The following PDE4D variants were observed in gnomAD, a reference collection of about 807,000 sequenced individuals.
PDE4D encodes the protein phosphodiesterase 4D.
In PDE4D, 24 loss-of-function variants were observed where a neutral mutation model predicts 87.4. The ratio of observed to expected loss-of-function variants is 0.27; its 90% CI spans 0.20 to 0.39. The LOEUF (loss-of-function observed/expected upper bound fraction) is 0.39. PDE4D is among the 10% of genes least tolerant of loss of function. The probability of loss-of-function intolerance (pLI) is 1.00; values close to 1 mark genes in which losing one functional copy is unlikely to be tolerated. For synonymous variants in PDE4D, 384 were observed against 383.2 expected, an observed-to-expected ratio of 1.00 and a Z score of -0.02; for missense variants, 714 against 1,041.0, an observed-to-expected ratio of 0.69 and a Z score of 4.32.
At chr5:60,458,563 T>G (rs1746669704) in intron 1 of PDE4D, among the ~76,000 whole-genome samples, 1 of 152,100 alleles carries the variant, frequency 6.6e-6, no homozygotes, top group African/African-American at 2.4e-5. Flanking sequence ...CGCTAAGAAA[T>G]TCTCCCTTGG....
At chr5:60,432,471 G>A (rs965043395) in intron 1 of PDE4D, among the ~76,000 whole-genome samples, 2 of 152,080 alleles carry the variant, frequency 1.3e-5, no homozygotes, top group Non-Finnish European at 2.9e-5. Flanking sequence ...TTTCTTCCTG[G>A]TTCAGTCTCG....
intron 1 of PDE4D, among the ~76,000 whole-genome samples, chr5:59,618,902 A>G (rs186170781): frequency 6.6e-6 from 1 of 152,128 alleles, no homozygotes; most frequent in African/African-American, 2.4e-5. Flanking sequence ...ATATGATGTC[A>G]CAACAAGAAA....
chr5:59,529,220 GA>G, intron 1 of PDE4D: 1 of 487,592 alleles, frequency 2.1e-6, no homozygotes, highest in Non-Finnish European at 4.1e-6. Flanking sequence ...ATCCAGGAAG[GA>G]AAATTGGATG....
intron 1 of PDE4D, among the ~76,000 whole-genome samples, chr5:60,308,938 G>A (rs1313683158): frequency 9.9e-5 from 15 of 151,938 alleles, no homozygotes; most frequent in Middle Eastern, 6.8e-3. Context: ...ACTCTTCTCC[G>A]AAAAATATAA....
chr5:59,810,074 C>T (rs956492472), intron 1 of PDE4D, among the ~76,000 whole-genome samples: 3 of 152,084 alleles, frequency 2.0e-5, no homozygotes, highest in African/African-American at 7.2e-5. Context: ...ATTCCATTGC[C>T]TGGTTAAGTC....
intron 1 of PDE4D, among the ~76,000 whole-genome samples, chr5:59,789,679 A>C (rs915467642): frequency 6.6e-6 from 1 of 152,196 alleles, no homozygotes; most frequent in Non-Finnish European, 1.5e-5. Context: ...TCTAAGATAA[A>C]ATAGAAATCC....
chr5:59,266,041 T>C (rs1255323021), intron 1 of PDE4D, among the ~76,000 whole-genome samples: 1 of 152,050 alleles, frequency 6.6e-6, no homozygotes, highest in Non-Finnish European at 1.5e-5. Context: ...TTTCACACAT[T>C]TGCCTGACAG....
Position 59,668,775 on chromosome 5 carries a change from AAAG to A in PDE4D, c.455+224390_455+224392del, listed in dbSNP as rs1166863700. On this transcript the variant is annotated intron_variant, in intron 1 of 14. Transcript: ENST00000340635. ...AGAAGAAAGAAGAAAGAAGAAGAAG[AAAG>A]AAGAAGAAGAAGAAAGAAGAAGAAG... 2.0e-3 allele frequency among the ~76,000 whole-genome samples: 276 copies of A among 137,120 alleles called. 14 individuals carry two copies. The highest frequency in any genetic ancestry group is 6.8e-3 in the Middle Eastern group (2 of 292). 90.0% of individuals were successfully genotyped at this position (137,120 alleles called of 152,430 possible).
chr5:59,980,679 G>T (rs929790744), intron 3 of PDE4D, among the ~76,000 whole-genome samples: 5 of 152,078 alleles, frequency 3.3e-5, no homozygotes, highest in Non-Finnish European at 7.4e-5. Flanking sequence ...TCCTTAATGG[G>T]GACACCAGAA....
intron 1 of PDE4D, among the ~76,000 whole-genome samples, chr5:59,242,507 G>A (rs1324062447): frequency 6.6e-6 from 1 of 152,138 alleles, no homozygotes; most frequent in East Asian, 1.9e-4. Flanking sequence ...AAATATTTAA[G>A]TAAATGAAAT....
At chr5:60,019,050 G>T (rs1765788712) in intron 2 of PDE4D, among the ~76,000 whole-genome samples, 2 of 152,044 alleles carry the variant, frequency 1.3e-5, no homozygotes, top group Admixed American at 1.3e-4. Flanking sequence ...GGTGCCACAA[G>T]ACAACTTACT....
At chr5:60,311,821 C>T (rs554047177) in intron 1 of PDE4D, among the ~76,000 whole-genome samples, 23 of 152,272 alleles carry the variant, frequency 1.5e-4, no homozygotes, top group African/African-American at 5.3e-4. Context: ...TCAAGAGACC[C>T]ATCTCACATG....
At chr5:59,217,131 A>G in intron 1 of PDE4D, 1 of 448,110 alleles carries the variant, frequency 2.2e-6, no homozygotes, top group South Asian at 1.6e-5. Context: ...ATCTAGATAA[A>G]CTTTCCACAA....
chr5:60,145,803 T>C (rs1780937466), intron 2 of PDE4D, among the ~76,000 whole-genome samples: 1 of 152,216 alleles, frequency 6.6e-6, no homozygotes, highest in Non-Finnish European at 1.5e-5. Flanking sequence ...TGATGGAATT[T>C]TTGGCTGAAA....
At chr5:59,608,310 C>CA (rs1828501842) in intron 1 of PDE4D, among the ~76,000 whole-genome samples, 1 of 152,140 alleles carries the variant, frequency 6.6e-6, no homozygotes, top group Non-Finnish European at 1.5e-5. Context: ...ACACTTAGCT[C>CA]ACACAGCGCA....
intron 5 of PDE4D, among the ~76,000 whole-genome samples, chr5:59,158,794 G>A (rs2153463757): frequency 6.6e-6 from 1 of 152,280 alleles, no homozygotes; most frequent in South Asian, 2.1e-4. Flanking sequence ...TATACCCCTG[G>A]TCTTAAAACC....
At chr5:59,518,701 G>A (rs1445807392) in intron 1 of PDE4D, among the ~76,000 whole-genome samples, 1 of 152,110 alleles carries the variant, frequency 6.6e-6, no homozygotes. Context: ...TCGACTACCA[G>A]CTTCATGATT....
intron 1 of PDE4D, among the ~76,000 whole-genome samples, chr5:60,432,683 T>C (rs181841705): frequency 6.6e-6 from 1 of 152,280 alleles, no homozygotes; most frequent in Admixed American, 6.5e-5. Flanking sequence ...CAAACTATAC[T>C]TCAATGCTAC....
intron 5 of PDE4D, among the ~76,000 whole-genome samples, chr5:59,146,960 C>G (rs1778757550): frequency 6.6e-6 from 1 of 152,126 alleles, no homozygotes. Context: ...AAGTGAGCAG[C>G]AGGCAAGCGA....
Sources: gnomAD v4.1 joint callset for allele counts (sites outside exome capture counted in the v4.1 genomes callset) on GRCh38, gnomAD v4.1.1 for gene constraint, MANE v1.5 for transcripts, NCBI Gene and HGNC (gene_info 2026-07-23, HGNC 2026-07-21) for gene names.